RPS6KC1: variants seen among roughly 807,000 people sequenced by gnomAD.
The protein encoded by RPS6KC1 is inactive ribosomal protein S6 kinase delta-1.
A neutral mutation model predicts 103.8 loss-of-function variants in RPS6KC1; 54 were observed. That is an observed-to-expected ratio of 0.52 (90% confidence interval 0.42 to 0.65). The LOEUF (loss-of-function observed/expected upper bound fraction) is 0.65, where lower values mean the gene tolerates loss of function less well. Among genes scored for constraint, RPS6KC1 ranks in the 30% least tolerant of loss-of-function variants. The pLI, the probability that RPS6KC1 is intolerant of heterozygous loss-of-function variation, is 0.00. For missense variants in RPS6KC1, 1,151 were observed against 1,253.8 expected, an observed-to-expected ratio of 0.92 and a Z score of 1.24; for synonymous variants, 439 against 438.7, an observed-to-expected ratio of 1.00 and a Z score of -0.01.
At chr1:213,744,127 G>A in the RPS6KC1 span, among the ~76,000 whole-genome samples, 1 of 152,072 alleles carries the variant, frequency 6.6e-6, no homozygotes, top group Non-Finnish European at 1.5e-5. Context: ...GGGACTTGGG[G>A]GGAAAGGGAG....
the RPS6KC1 span, among the ~76,000 whole-genome samples, chr1:213,706,994 T>C: frequency 6.6e-6 from 1 of 152,204 alleles, no homozygotes; most frequent in African/African-American, 2.4e-5. Flanking sequence ...TTGTGAATAG[T>C]GCTGCAGTAA....
the RPS6KC1 span, among the ~76,000 whole-genome samples, chr1:213,634,807 C>T: frequency 2.7e-5 from 4 of 150,080 alleles, no homozygotes; most frequent in African/African-American, 9.8e-5. Context: ...AAAAAAAAAA[C>T]CCTTCAAAAA....
chr1:213,376,938 G>A, the RPS6KC1 span, among the ~76,000 whole-genome samples: 5 of 152,150 alleles, frequency 3.3e-5, no homozygotes, highest in Non-Finnish European at 5.9e-5. Context: ...TTGTGGTCGG[G>A]GGGACCTCAG....
chr1:213,691,200 A>G, the RPS6KC1 span, among the ~76,000 whole-genome samples: 2 of 152,198 alleles, frequency 1.3e-5, no homozygotes, highest in South Asian at 4.1e-4. Context: ...TGCTGTGCCG[A>G]GCCAATCTAA....
At chr1:213,168,903 G>T (rs926630344) in intron 7 of RPS6KC1, among the ~76,000 whole-genome samples, 3 of 152,078 alleles carry the variant, frequency 2.0e-5, no homozygotes, top group Non-Finnish European at 4.4e-5. Flanking sequence ...TTTCTTAATT[G>T]ATCTAAGAGT....
intron 12 of RPS6KC1, among the ~76,000 whole-genome samples, chr1:213,256,209 C>A (rs2094639968): frequency 6.6e-6 from 1 of 152,080 alleles, no homozygotes; most frequent in Non-Finnish European, 1.5e-5. Context: ...CTGAACTAAT[C>A]ATATCTGAGA....
At chr1:213,818,179 G>A in the RPS6KC1 span, 1 of 152,262 alleles carries the variant, frequency 6.6e-6, no homozygotes, top group South Asian at 2.1e-4. Flanking sequence ...CCCTACAATA[G>A]CTTCCAAGTG....
chr1:213,558,094 T>C, the RPS6KC1 span, among the ~76,000 whole-genome samples: 1 of 152,188 alleles, frequency 6.6e-6, no homozygotes, highest in Non-Finnish European at 1.5e-5. Context: ...GTTGGTGAGC[T>C]TCCTTTTCTT....
the RPS6KC1 span, among the ~76,000 whole-genome samples, chr1:213,456,742 TAATG>T: frequency 6.6e-6 from 1 of 152,240 alleles, no homozygotes; most frequent in Non-Finnish European, 1.5e-5. Flanking sequence ...TAGACCATAA[TAATG>T]CACCTTAAAA....
chr1:213,776,919 G>A, the RPS6KC1 span, among the ~76,000 whole-genome samples: 7 of 73,626 alleles, frequency 9.5e-5, no homozygotes, highest in Admixed American at 1.1e-3. Context: ...TTATGGAGAT[G>A]GCTTCTTTCC....
the RPS6KC1 span, among the ~76,000 whole-genome samples, chr1:213,628,760 C>T: frequency 1.3e-5 from 2 of 151,914 alleles, no homozygotes; most frequent in Non-Finnish European, 2.9e-5. Flanking sequence ...TTGAATGTGT[C>T]CCAGAGATTC....
the RPS6KC1 span, among the ~76,000 whole-genome samples, chr1:213,380,215 G>A: frequency 6.6e-6 from 1 of 152,110 alleles, no homozygotes; most frequent in Non-Finnish European, 1.5e-5. Context: ...TCAGCAAACT[G>A]ACGCAGGAGC....
chr1:213,151,103 G>C (rs569344367), intron 6 of RPS6KC1, among the ~76,000 whole-genome samples: 1 of 144,998 alleles, frequency 6.9e-6, no homozygotes, highest in Admixed American at 6.7e-5. Flanking sequence ...CGGATGGGGG[G>C]GCTGGCTGGG....
the RPS6KC1 span, among the ~76,000 whole-genome samples, chr1:213,297,997 G>T: frequency 6.6e-6 from 1 of 152,156 alleles, no homozygotes; most frequent in Non-Finnish European, 1.5e-5. Context: ...CTTAGGCTTT[G>T]CATTAGTCAT....
At chr1:213,229,502 A>G (rs1326929838) in intron 8 of RPS6KC1, among the ~76,000 whole-genome samples, 2 of 152,152 alleles carry the variant, frequency 1.3e-5, no homozygotes, top group Non-Finnish European at 2.9e-5. Context: ...TTGTTCTATA[A>G]TGACAAAGTT....
chr1:213,400,490 T>C, the RPS6KC1 span, among the ~76,000 whole-genome samples: 1 of 152,154 alleles, frequency 6.6e-6, no homozygotes, highest in South Asian at 2.1e-4. Flanking sequence ...TCATCCAGCT[T>C]AATCTGTTTC....
At chr1:213,339,559 T>G in the RPS6KC1 span, among the ~76,000 whole-genome samples, 4 of 152,260 alleles carry the variant, frequency 2.6e-5, no homozygotes, top group African/African-American at 9.6e-5. Context: ...TCTGGTAGCA[T>G]GGCAAAGTAG....
At chr1:213,415,308 A>G in the RPS6KC1 span, among the ~76,000 whole-genome samples, 7 of 152,218 alleles carry the variant, frequency 4.6e-5, no homozygotes, top group Non-Finnish European at 1.0e-4. Flanking sequence ...GGGTATTTGC[A>G]TTTTGAAAGT....
At chr1:213,481,678 T>G in the RPS6KC1 span, among the ~76,000 whole-genome samples, 1 of 152,230 alleles carries the variant, frequency 6.6e-6, no homozygotes. Context: ...TCTAGATCTT[T>G]TAAGTAGAAT....
Sources: gnomAD v4.1 joint callset for allele counts (sites outside exome capture counted in the v4.1 genomes callset) on GRCh38, gnomAD v4.1.1 for gene constraint, MANE v1.5 for transcripts, NCBI Gene and HGNC (gene_info 2026-07-23, HGNC 2026-07-21) for gene names.